OPCML: variants seen among roughly 807,000 people sequenced by gnomAD.
OPCML encodes opioid binding protein/cell adhesion molecule like.
In OPCML, 13 loss-of-function variants were observed where a neutral mutation model predicts 37.8. That is an observed-to-expected ratio of 0.34 (90% CI 0.22 to 0.55). The LOEUF (loss-of-function observed/expected upper bound fraction) is 0.55. Among genes scored for constraint, OPCML ranks in the 20% least tolerant of loss-of-function variants. The pLI, the probability that OPCML is intolerant of heterozygous loss-of-function variation, is 0.91. For synonymous variants in OPCML, 176 were observed against 168.8 expected (o/e 1.04, Z -0.33); for missense variants, 341 against 435.6 (o/e 0.78, Z 1.93).
At chr11:133,422,745 T>G (rs554324938) in intron 1 of OPCML, 1 of 950,504 alleles carries the variant, frequency 1.1e-6, no homozygotes, top group South Asian at 4.9e-5. Context: ...GTGTAACATT[T>G]CAAAAATAAT....
rs116257270 is a variant in OPCML, at chr11:132,789,275, T to C, written c.147-131956A>G. Among the ~76,000 whole-genome samples, 437 of 152,336 alleles carry C rather than the reference T, an allele frequency of 2.9e-3. 4 individuals are homozygous for C. The highest frequency in any genetic ancestry group is 9.9e-3 in the African/African-American group (410 of 41,578). ...TGGCTTCAGGAGGGCAGAAACCACA[T>C]GTGCCTTGTTCACCACTGTCTAGGC... On this transcript the variant is annotated intron_variant, in intron 2 of 7. Coordinates refer to ENST00000524381, the MANE Select transcript of OPCML (RefSeq NM_001012393.5).
chr11:132,578,102 A>T (rs1199598873), intron 3 of OPCML, among the ~76,000 whole-genome samples: 1 of 152,218 alleles, frequency 6.6e-6, no homozygotes. Context: ...TGTCTAAGTT[A>T]TGTATGCATG....
chr11:133,394,803 T>C (rs923281581), intron 1 of OPCML, among the ~76,000 whole-genome samples: 3 of 152,236 alleles, frequency 2.0e-5, no homozygotes, highest in African/African-American at 7.2e-5. Context: ...CTTCCAAATC[T>C]TGACTATTGT....
intron 4 of OPCML, among the ~76,000 whole-genome samples, chr11:132,516,884 T>C (rs750738696): frequency 1.8e-4 from 27 of 152,308 alleles, no homozygotes; most frequent in Admixed American, 3.3e-4. Context: ...AGACTGACTC[T>C]AGCTGATTTA....
intron 4 of OPCML, among the ~76,000 whole-genome samples, chr11:132,486,987 A>G (rs2096201952): frequency 6.6e-6 from 1 of 152,228 alleles, no homozygotes; most frequent in Admixed American, 6.5e-5. Context: ...AACATTAATT[A>G]TTAGTGGGTA....
intron 3 of OPCML, among the ~76,000 whole-genome samples, chr11:132,582,672 C>T (rs545246159): frequency 1.3e-4 from 20 of 152,060 alleles, no homozygotes; most frequent in Admixed American, 5.2e-4. Flanking sequence ...TGGAAAGTTA[C>T]GAAAGTTTCC....
At chr11:133,374,283 T>C (rs1187974652) in intron 1 of OPCML, among the ~76,000 whole-genome samples, 2 of 152,286 alleles carry the variant, frequency 1.3e-5, no homozygotes, top group Non-Finnish European at 2.9e-5. Flanking sequence ...AAATGCACTC[T>C]AGTGTCTGGA....
chr11:133,448,898 T>C (rs1946525635), intron 1 of OPCML, among the ~76,000 whole-genome samples: 2 of 152,232 alleles, frequency 1.3e-5, no homozygotes, highest in Admixed American at 1.3e-4. Context: ...TTGTGGTTTA[T>C]CTCTACTGCC....
At chr11:132,756,450 C>T (rs1441280008) in intron 2 of OPCML, among the ~76,000 whole-genome samples, 2 of 152,160 alleles carry the variant, frequency 1.3e-5, no homozygotes. Context: ...TTTCATAATA[C>T]ATTGTCAAAA....
intron 1 of OPCML, among the ~76,000 whole-genome samples, chr11:133,350,547 AC>A (rs539990556): frequency 4.6e-5 from 7 of 152,248 alleles, no homozygotes; most frequent in Admixed American, 1.3e-4. Flanking sequence ...TGTCACCCCC[AC>A]CAAAATATGA....
At chr11:132,751,128 C>A (rs1945817611) in intron 2 of OPCML, among the ~76,000 whole-genome samples, 1 of 152,192 alleles carries the variant, frequency 6.6e-6, no homozygotes, top group South Asian at 2.1e-4. Context: ...CTAAGTCTCT[C>A]ATTTGGGTCA....
intron 1 of OPCML, among the ~76,000 whole-genome samples, chr11:133,061,066 A>G (rs1352370651): frequency 1.3e-5 from 2 of 152,188 alleles, no homozygotes; most frequent in Non-Finnish European, 2.9e-5. Flanking sequence ...GAGTGTCCCT[A>G]TGTTGCTCAG....
intron 2 of OPCML, among the ~76,000 whole-genome samples, chr11:132,914,446 A>G (rs1271564742): frequency 6.6e-6 from 1 of 152,220 alleles, no homozygotes; most frequent in African/African-American, 2.4e-5. Flanking sequence ...GATTTACTAC[A>G]TGTTACCCAA....
intron 1 of OPCML, among the ~76,000 whole-genome samples, chr11:133,158,572 C>T (rs895809835): frequency 7.9e-4 from 119 of 151,516 alleles, no homozygotes; most frequent in African/African-American, 2.5e-3. Context: ...TGGTGGCGGG[C>T]GCCTGTAGTC....
Position 133,171,350 on chromosome 11 carries a change from T to C in OPCML, c.62-228340A>G, listed in dbSNP as rs575573925. Among the ~76,000 whole-genome samples, 4 of 152,298 alleles carry C rather than the reference T, an allele frequency of 2.6e-5. No individual in the cohort carries two copies. The East Asian group carries it at 7.7e-4, about 29-fold the overall frequency. ...CTTATCTTGCCCTTCCTAATACCTG[T>C]TATTTGCCTCAATCCGCTCCACAGT... is the stretch of plus-strand genomic sequence containing the variant. On this transcript the variant is annotated intron_variant, in intron 1 of 7. Coordinates refer to ENST00000524381, the MANE Select transcript of OPCML (RefSeq NM_001012393.5).
intron 1 of OPCML, among the ~76,000 whole-genome samples, chr11:133,262,671 T>G (rs1941530348): frequency 6.6e-6 from 1 of 152,186 alleles, no homozygotes; most frequent in South Asian, 2.1e-4. Context: ...CCCTCTCGTG[T>G]GGCTTCCTAT....
chr11:132,906,642 T>A (rs897602923), intron 2 of OPCML, among the ~76,000 whole-genome samples: 1 of 151,900 alleles, frequency 6.6e-6, no homozygotes, highest in Non-Finnish European at 1.5e-5. Context: ...CCTAATACCA[T>A]TGAAAATGTC....
At chr11:132,470,532 C>G (rs1446163299) in intron 4 of OPCML, among the ~76,000 whole-genome samples, 2 of 152,154 alleles carry the variant, frequency 1.3e-5, no homozygotes, top group African/African-American at 4.8e-5. Flanking sequence ...GCCCAGTAGA[C>G]AGATTTGACA....
chr11:132,481,400 A>G (rs1407809250), intron 4 of OPCML, among the ~76,000 whole-genome samples: 1 of 151,630 alleles, frequency 6.6e-6, no homozygotes. Flanking sequence ...CCAATACAGG[A>G]GCACCCAGAT....
Sources: allele counts gnomAD v4.1 joint callset (sites outside exome capture counted in the v4.1 genomes callset), GRCh38; gene constraint gnomAD v4.1.1; transcripts MANE v1.5; gene names NCBI Gene and HGNC (gene_info 2026-07-23, HGNC 2026-07-21).